The following GTPBP6 variants were observed in gnomAD, a reference collection of about 807,000 sequenced individuals.
The protein encoded by GTPBP6 is GTP binding protein 6, also known as putative GTP-binding protein 6.
Under a neutral mutation model 28.9 loss-of-function variants are expected in GTPBP6, and 33 were observed. That is an observed-to-expected ratio of 1.14 (90% CI 0.87 to 1.53). The LOEUF (loss-of-function observed/expected upper bound fraction) is 1.53. GTPBP6 is among the 40% of genes most tolerant of loss of function. GTPBP6 has a pLI of 0.00. For missense variants in GTPBP6, 507 were observed against 408.3 expected (o/e 1.24, Z -2.08); for synonymous variants, 231 against 192.7 (o/e 1.20, Z -1.65).
At chrX:314,126 G>A (rs2070377530) in intron 5 of GTPBP6, 24 bp downstream of exon 5, 2 of 1,597,212 alleles carry the variant, frequency 1.3e-6, no homozygotes, top group Non-Finnish European at 8.6e-7. Flanking sequence ...GACCCTCTGG[G>A]ACGCCGCGCC....
intron 9 of GTPBP6, 149 bp from the exon 10 acceptor site, chrX:305,346 G>C: frequency 3.0e-6 from 2 of 662,046 alleles, no homozygotes; most frequent in Non-Finnish European, 5.2e-6. Flanking sequence ...TTTTGAGACG[G>C]AGTCTCACTC....
chrX:307,919 T>C, intron 7 of GTPBP6, 39 bp from the exon 8 acceptor site: 5 of 1,459,458 alleles, frequency 3.4e-6, no homozygotes, highest in Non-Finnish European at 4.5e-6. Flanking sequence ...GCGGAGCCTC[T>C]GGTCCCTGAC....
chrX:307,905 AG>A (rs2070206970), intron 7 of GTPBP6, 25 bp from the exon 8 acceptor site: 1 of 1,481,468 alleles, frequency 6.8e-7, no homozygotes, highest in Admixed American at 2.5e-5. Flanking sequence ...GTGGGGTCAG[AG>A]CTGCGGAGCC....
chrX:311,336 C>T (rs2070289656), intron 7 of GTPBP6, 83 bp downstream of exon 7: 1 of 858,722 alleles, frequency 1.2e-6, no homozygotes, highest in Non-Finnish European at 1.8e-6. Context: ...GAGGGCCCGA[C>T]CCCTGGCTGT....
chrX:305,368 C>T (rs1239256544), intron 9 of GTPBP6, among the ~76,000 whole-genome samples, 171 bp from the exon 10 acceptor site: 2 of 146,934 alleles, frequency 1.4e-5, no homozygotes, highest in South Asian at 2.1e-4. Flanking sequence ...GTCGCGTAGG[C>T]TGGAGTGCAG....
chrX:307,347 G>A lies in GTPBP6; in HGVS notation c.1427+13C>T. 6.2e-7 allele frequency: 1 copy of A among 1,610,640 alleles called. No homozygotes were observed. Among genetic ancestry groups the A allele is most frequent in the Non-Finnish European group, 8.5e-7 (1 of 1,179,008 alleles). On this transcript the variant is annotated intron_variant, in intron 9 of 9. Coordinates refer to ENST00000326153, the Ensembl canonical transcript of GTPBP6. ...AAGCACCATCCCGTCTCCTGCCCCT[G>A]CAGGCCGCTCACCTGAGCTGCGCCC...
rs1205816339 is a variant in GTPBP6 at position 312,654 on chromosome X, C to T, written c.916+112G>A. ...CCCTCTCCTGGGCACGTGCTCACCG[C>T]AGCTGTCGTACGGCACCACTGAGAC... On this transcript the variant is annotated intron_variant, in intron 6 of 9. Transcript: ENST00000326153. 2.7e-6 allele frequency: 3 copies of T among 1,123,814 alleles called. No individual in the cohort carries two copies. In the African/African-American group the frequency reaches 4.6e-5, roughly 17 times the overall value. The allele number at this position is 1,123,814 out of a possible 1,614,324, so 69.6% of individuals were successfully genotyped here. A position where few individuals can be genotyped will look rare whatever the true frequency, so the allele number is the denominator to read the frequency against.
exon 7 of GTPBP6, chrX:311,495 G>A: frequency 4.3e-6 from 7 of 1,611,666 alleles, no homozygotes; most frequent in Non-Finnish European, 3.4e-6. Context: ...GAAGCCGATG[G>A]TGTCCACGTA....
At chrX:314,771 C>T (rs1229716487) in intron 4 of GTPBP6, 119 bp downstream of exon 4, 46 of 412,106 alleles carry the variant, frequency 1.1e-4, no homozygotes, top group African/African-American at 6.6e-4. Flanking sequence ...CCACCGCGCC[C>T]GGCCCCCATG....
exon 1 of GTPBP6, chrX:318,559 C>A: frequency 2.5e-6 from 1 of 398,486 alleles, no homozygotes; most frequent in Non-Finnish European, 4.4e-6. Flanking sequence ...GCGTTCTCGT[C>A]CGCATCTTCC....
chrX:318,684 G>A, exon 1 of GTPBP6: 1 of 390,616 alleles, frequency 2.6e-6, no homozygotes, highest in Non-Finnish European at 4.5e-6. Context: ...AGCGGCTAGC[G>A]CGCGCGCGGG....
chrX:306,136 G>A (rs904857797), intron 9 of GTPBP6, among the ~76,000 whole-genome samples: 26 of 152,260 alleles, frequency 1.7e-4, no homozygotes, highest in Non-Finnish European at 3.2e-4. Context: ...CCTGTTGTGC[G>A]CACAGTCAGA....
rs368855209 is a variant in GTPBP6, at chrX:307,425, C to G, written c.1362G>C (p.Ala454=). ...TCTGTCTCCCCGTCGCCTTCAAAAC[C>G]GCCGCATCGAGCTCAGCTTTCAGCT... Residue 454 remains alanine, a synonymous_variant, in exon 9 of 10, where the codon GCG becomes GCC. Transcript: ENST00000326153. 17 of 1,612,468 alleles carry G rather than the reference C, an allele frequency of 1.1e-5. No homozygotes were observed. In the African/African-American group the frequency reaches 1.3e-4, roughly 13 times the overall value.
intron 6 of GTPBP6, 162 bp from the exon 7 acceptor site, chrX:311,789 C>T (rs997942944): frequency 4.4e-5 from 28 of 643,508 alleles, no homozygotes; most frequent in Middle Eastern, 4.1e-4. Context: ...AGACCCGACG[C>T]GTGGGACAAA....
chrX:305,579 C>T (rs1324192705), intron 9 of GTPBP6, among the ~76,000 whole-genome samples: 5 of 149,874 alleles, frequency 3.3e-5, no homozygotes, highest in Non-Finnish European at 7.4e-5. Flanking sequence ...CCTCGGCCTC[C>T]CAAAGTGCTG....
At position 312,422 on chromosome X, in the gene GTPBP6, G is replaced by A. The variant is rs1376982862; in HGVS notation, c.916+344C>T. On this transcript the variant is annotated intron_variant, in intron 6 of 9. Transcript: ENST00000326153. Reference sequence around the variant, plus strand: ...TGTAGACAGGGTGGTGGTATAGATAGGGCAGTGGGGATGGTCTAGACAGGA... The same window carrying A: ...TGTAGACAGGGTGGTGGTATAGATAAGGCAGTGGGGATGGTCTAGACAGGA... 3 of 534,748 alleles carry A rather than the reference G, an allele frequency of 5.6e-6. No individual in the cohort carries two copies. The Admixed American group carries it at 6.7e-5, about 12-fold the overall frequency. The allele number at this position is 534,748 out of a possible 1,614,324, so 33.1% of individuals were successfully genotyped here. A position where few individuals can be genotyped will look rare whatever the true frequency, so the allele number is the denominator to read the frequency against.
chrX:314,379 G>A (rs773241250), intron 4 of GTPBP6, among the ~76,000 whole-genome samples, 162 bp from the exon 5 acceptor site: 20 of 152,258 alleles, frequency 1.3e-4, no homozygotes, highest in East Asian at 9.7e-4. Context: ...TGTGAGTGAC[G>A]CGTGTCCCGG....
rs775562552 is a variant in GTPBP6, at chrX:305,211, C to G, written c.1428-14G>C. ...TTATACAGCCAGCTGGGCACAGATGCGCGTTGTATGGAGACAAGCAGAACC... is the reference window on the plus strand; with the variant it reads ...TTATACAGCCAGCTGGGCACAGATGGGCGTTGTATGGAGACAAGCAGAACC... On this transcript the variant is annotated splice_polypyrimidine_tract_variant and intron_variant, in intron 9 of 9. Coordinates refer to ENST00000326153, the Ensembl canonical transcript of GTPBP6. 2.1e-5 allele frequency: 33 copies of G among 1,600,078 alleles called. No homozygotes were observed. Among genetic ancestry groups the G allele is most frequent in the Non-Finnish European group, 2.8e-5 (33 of 1,167,464 alleles).
At chrX:307,746 C>T (rs1280429302) in exon 8 of GTPBP6, 5 of 1,494,274 alleles carry the variant, frequency 3.3e-6, no homozygotes, top group African/African-American at 1.4e-5. Context: ...GCACGAGGTC[C>T]ACCTTGTTGT....
Sources: allele counts gnomAD v4.1 joint callset (sites outside exome capture counted in the v4.1 genomes callset), GRCh38; gene constraint gnomAD v4.1.1; transcripts MANE v1.5; gene names NCBI Gene and HGNC (gene_info 2026-07-23, HGNC 2026-07-21).